Variants in ADGRG3 observed in about 807,000 individuals in gnomAD.
ADGRG3 encodes G protein-coupled receptor 97.
In ADGRG3, 39 loss-of-function variants were observed where a neutral mutation model predicts 54.3. That is an observed-to-expected ratio of 0.72 (90% CI 0.56 to 0.94). ADGRG3 has a LOEUF of 0.94. ADGRG3 is among the 40% of genes least tolerant of loss of function. The pLI, the probability that ADGRG3 is intolerant of heterozygous loss-of-function variation, is 0.00. For synonymous variants in ADGRG3, 312 were observed against 290.0 expected, an observed-to-expected ratio of 1.08 and a Z score of -0.77; for missense variants, 654 against 694.6, an observed-to-expected ratio of 0.94 and a Z score of 0.66.
At position 57,676,742 on chromosome 16, in the gene ADGRG3, G is replaced by A. The variant is rs77757151; in HGVS notation, c.345+404G>A. 2.6e-3 allele frequency among the ~76,000 whole-genome samples: 401 copies of A among 152,328 alleles called. 9 individuals carry two copies. The East Asian group carries it at 0.065, about 25-fold the overall frequency. On this transcript the variant is annotated intron_variant, in intron 3 of 11. Transcript: ENST00000333493. ...TGGCCAGGTGCAGTGGTGCACACCC[G>A]CAATTTCAGCACTTTGGGAGGCTGA...
At chr16:57,668,138 G>A, upstream of ADGRG3, 1 of 585,220 alleles carries the variant, frequency 1.7e-6, no homozygotes, top group Admixed American at 3.0e-5. Flanking sequence ...GGTGGACCCA[G>A]GGTGCGGTGA....
At chr16:57,684,910 A>T (rs727215) in intron 10 of ADGRG3, among the ~76,000 whole-genome samples, 1 of 152,216 alleles carries the variant, frequency 6.6e-6, no homozygotes, top group African/African-American at 2.4e-5. Flanking sequence ...CCAGTGATTC[A>T]CAGTAGCCCT....
chr16:57,688,304 C>A, intron 11 of ADGRG3, 48 bp from the exon 12 acceptor site: 1 of 1,239,992 alleles, frequency 8.1e-7, no homozygotes, highest in Non-Finnish European at 1.2e-6. Flanking sequence ...CTGCCCCACT[C>A]TCTGCCCACC....
At chr16:57,668,993 C>T (rs2048102499) in intron 1 of ADGRG3, among the ~76,000 whole-genome samples, 1 of 152,236 alleles carries the variant, frequency 6.6e-6, no homozygotes, top group Non-Finnish European at 1.5e-5. Flanking sequence ...CTCCAGAGGC[C>T]ATGGAAGTGC....
chr16:57,667,538 G>T (rs1209850353), upstream of ADGRG3, among the ~76,000 whole-genome samples: 1 of 152,258 alleles, frequency 6.6e-6, no homozygotes, highest in Non-Finnish European at 1.5e-5. Context: ...GGCCACAGGC[G>T]GCTCCGCCTG....
chr16:57,672,994 A>G (rs535933094), intron 1 of ADGRG3, among the ~76,000 whole-genome samples: 1 of 152,350 alleles, frequency 6.6e-6, no homozygotes, highest in African/African-American at 2.4e-5. Context: ...ATAACTGAAA[A>G]GCCAGGCAGA....
chr16:57,682,959 C>T (rs1381144966), intron 8 of ADGRG3, among the ~76,000 whole-genome samples: 5 of 152,202 alleles, frequency 3.3e-5, no homozygotes, highest in African/African-American at 1.2e-4. Flanking sequence ...GGGAAAGACC[C>T]GAGGAGAGAG....
intron 5 of ADGRG3, 73 bp from the exon 6 acceptor site, chr16:57,679,743 C>T (rs1434190473): frequency 3.1e-5 from 36 of 1,167,986 alleles, no homozygotes; most frequent in Admixed American, 6.7e-5. Context: ...GGGAGCACAC[C>T]GTCCTCCCGC....
chr16:57,681,640 C>T (rs774319464), intron 8 of ADGRG3, among the ~76,000 whole-genome samples: 8 of 148,856 alleles, frequency 5.4e-5, no homozygotes, highest in Non-Finnish European at 1.0e-4. Flanking sequence ...GCAGGAGAAT[C>T]GCTTGAACCA....
At chr16:57,666,196 G>A (rs542527267), upstream of ADGRG3, among the ~76,000 whole-genome samples, 36 of 152,274 alleles carry the variant, frequency 2.4e-4, no homozygotes, top group African/African-American at 7.9e-4. Flanking sequence ...TGGGATGGGG[G>A]TTGAGGCAAC....
chr16:57,682,444 C>T (rs2048390988), intron 8 of ADGRG3: 4 of 979,564 alleles, frequency 4.1e-6, no homozygotes, highest in South Asian at 4.7e-5. Context: ...CACAGACCAA[C>T]CCATGAGTGT....
rs557776245 is a variant in ADGRG3 at position 57,678,353 on chromosome 16, G to A, written c.492+37G>A. On this transcript the variant is annotated intron_variant, in intron 4 of 11. Coordinates refer to ENST00000333493, the MANE Select transcript of ADGRG3 (RefSeq NM_170776.5). ...GGGAAGCTCCAAGGTTAAGTGCTAG[G>A]TCCTCTGGGGGCTCCATGCCACAGT... The A allele has an allele frequency of 9.3e-6, 15 of 1,604,954 alleles. 1 individual carries two copies. The South Asian group carries it at 1.6e-4, about 18-fold the overall frequency.
chr16:57,675,555 C>T (rs1339149610), intron 2 of ADGRG3, among the ~76,000 whole-genome samples: 2 of 152,144 alleles, frequency 1.3e-5, no homozygotes, highest in African/African-American at 2.4e-5. Context: ...CGCTTGAACC[C>T]GGGAGGCGGA....
chr16:57,680,945 G>A (rs770798737), intron 8 of ADGRG3, among the ~76,000 whole-genome samples: 1 of 152,156 alleles, frequency 6.6e-6, no homozygotes, highest in Non-Finnish European at 1.5e-5. Flanking sequence ...GGTCAAAAGA[G>A]GTCCCCAGAA....
At chr16:57,675,395 C>A (rs2048244166) in intron 2 of ADGRG3, among the ~76,000 whole-genome samples, 1 of 152,150 alleles carries the variant, frequency 6.6e-6, no homozygotes, top group African/African-American at 2.4e-5. Flanking sequence ...GAAGCCGAGG[C>A]AAGCGGATCG....
chr16:57,681,726 CAAAAAAAAA>C (rs775852211), intron 8 of ADGRG3, among the ~76,000 whole-genome samples: 1 of 75,214 alleles, frequency 1.3e-5, no homozygotes, highest in Non-Finnish European at 2.8e-5. Context: ...AACTCCGTCT[CAAAAAAAAA>C]AAAAAAAAAA....
At chr16:57,684,832 G>A (rs1306960549) in intron 10 of ADGRG3, among the ~76,000 whole-genome samples, 1 of 152,156 alleles carries the variant, frequency 6.6e-6, no homozygotes, top group African/African-American at 2.4e-5. Flanking sequence ...CTGGAGAGTG[G>A]AGGGTGTGTT....
At chr16:57,673,086 T>A (rs1320736038) in intron 1 of ADGRG3, among the ~76,000 whole-genome samples, 1 of 152,176 alleles carries the variant, frequency 6.6e-6, no homozygotes, top group Non-Finnish European at 1.5e-5. Flanking sequence ...AAGCCTTTTG[T>A]ACATGCTTTC....
At chr16:57,668,250 G>A, upstream of ADGRG3, 1 of 938,966 alleles carries the variant, frequency 1.1e-6, no homozygotes, top group East Asian at 2.6e-5. Context: ...AAGCCAGAGT[G>A]GTGGGGCTGC....
Sources: allele counts gnomAD v4.1 joint callset (sites outside exome capture counted in the v4.1 genomes callset), GRCh38; gene constraint gnomAD v4.1.1; transcripts MANE v1.5; gene names NCBI Gene and HGNC (gene_info 2026-07-23, HGNC 2026-07-21).